TNPO1: variants seen among roughly 807,000 people sequenced by gnomAD.
The protein encoded by TNPO1 is transportin-1.
Under a neutral mutation model 119.5 loss-of-function variants are expected in TNPO1, and 8 were observed. That is an observed-to-expected ratio of 0.07 (90% CI 0.04 to 0.12). The LOEUF is 0.12. Among genes scored for constraint, TNPO1 ranks in the 10% least tolerant of loss-of-function variants. The probability of loss-of-function intolerance (pLI) is 1.00; values close to 1 mark genes in which losing one functional copy is unlikely to be tolerated. For synonymous variants in TNPO1, 362 were observed against 363.0 expected (o/e 1.00, Z 0.03); for missense variants, 576 against 1,089.8 (o/e 0.53, Z 6.64).
At chr5:72,816,950 C>T (rs1318996800) in intron 1 of TNPO1, 198 bp downstream of exon 1, 2 of 575,378 alleles carry the variant, frequency 3.5e-6, no homozygotes, top group Admixed American at 7.6e-5. Context: ...CCCTGCGGGA[C>T]CCGGGTAGGG....
At chr5:72,881,608 C>G (rs1748253165) in intron 9 of TNPO1, among the ~76,000 whole-genome samples, 2 of 152,190 alleles carry the variant, frequency 1.3e-5, no homozygotes, top group African/African-American at 4.8e-5. Context: ...TGTTCCAGAT[C>G]AGCTTTTATC....
intron 1 of TNPO1, among the ~76,000 whole-genome samples, chr5:72,825,251 A>G (rs536796172): frequency 1.6e-4 from 24 of 152,248 alleles, no homozygotes; most frequent in African/African-American, 5.8e-4. Context: ...ACCTTTCGCA[A>G]ATTAAGACAG....
intron 6 of TNPO1, among the ~76,000 whole-genome samples, chr5:72,871,184 C>G (rs2112361244): frequency 6.6e-6 from 1 of 152,220 alleles, no homozygotes; most frequent in East Asian, 1.9e-4. Flanking sequence ...ACCATGTTGG[C>G]CAGGCTGGTC....
In TNPO1 at chr5:72,888,266, C is replaced by G; in HGVS notation, c.1492C>G (p.Leu498Val). 6.2e-7 allele frequency: 1 copy of G among 1,614,140 alleles called. No individual in the cohort carries two copies. The highest frequency in any genetic ancestry group is 8.5e-7 in the Non-Finnish European group (1 of 1,180,032). The change falls in exon 13 of 25, where the codon CTG (leucine) becomes GTG (valine). Residue 498 changes from leucine to valine, a missense_variant. Transcript: ENST00000337273. ...AATGACAGAATTGCTAAAGCGCATC[C>G]TGGACAGCAACAAGAGAGTACAAGA... ...PLMTELLKRI[L>V]DSNKRVQEAA...
intron 1 of TNPO1, among the ~76,000 whole-genome samples, chr5:72,822,913 T>C (rs964733325): frequency 1.2e-4 from 18 of 145,742 alleles, no homozygotes; most frequent in Non-Finnish European, 2.4e-4. Flanking sequence ...CTACACTTTT[T>C]TTTTTTTTTT....
intron 1 of TNPO1, among the ~76,000 whole-genome samples, chr5:72,847,079 G>T (rs1430202936): frequency 6.6e-6 from 1 of 151,614 alleles, no homozygotes; most frequent in Non-Finnish European, 1.5e-5. Context: ...TATTAGATTG[G>T]GCCATTTACG....
rs1010879320 is a variant in TNPO1 at position 72,909,823 on chromosome 5, G to A, written c.*1150G>A. On this transcript the variant is annotated 3_prime_UTR_variant, in exon 25 of 25. Transcript: ENST00000337273. ...AGGAATAAGATTGATATTGTATTGT[G>A]TGTAACCTGCACAATGTGGAAAGCT... The A allele has an allele frequency of 6.6e-6, 1 of 152,584 alleles. No homozygotes were observed. Among genetic ancestry groups the A allele is most frequent in the Admixed American group, 6.5e-5 (1 of 15,274 alleles). The allele number at this position is 152,584 out of a possible 1,614,324, so 9.5% of individuals were successfully genotyped here.
At position 72,869,257 on chromosome 5, in the gene TNPO1, T is replaced by C. The variant is rs554091627; in HGVS notation, c.597-3382T>C. Among the ~76,000 whole-genome samples, 5 of 151,990 alleles carry C rather than the reference T, an allele frequency of 3.3e-5. No individual in the cohort carries two copies. In the South Asian group the frequency reaches 6.2e-4, roughly 19 times the overall value. On this transcript the variant is annotated intron_variant, in intron 6 of 24. Coordinates refer to ENST00000337273, the MANE Select transcript of TNPO1 (RefSeq NM_002270.4). The stretch of plus-strand genomic sequence containing the variant: ...TATAAAATTGGCAGAACTTTTAAAA[T>C]AATAAATGGCAGGGCGTAGTGGCTC...
intron 24 of TNPO1, among the ~76,000 whole-genome samples, chr5:72,908,466 A>G (rs988528439): frequency 2.6e-5 from 4 of 152,182 alleles, no homozygotes; most frequent in African/African-American, 7.2e-5. Context: ...ACACCTGTCT[A>G]TACAACTCTC....
At chr5:72,862,109 C>G (rs1210103222) in intron 5 of TNPO1, among the ~76,000 whole-genome samples, 195 bp downstream of exon 5, 1 of 152,178 alleles carries the variant, frequency 6.6e-6, no homozygotes, top group Non-Finnish European at 1.5e-5. Context: ...TTATAAACCT[C>G]TTTTACTGTA....
intron 7 of TNPO1, among the ~76,000 whole-genome samples, chr5:72,875,342 T>G (rs1174254611): frequency 6.6e-6 from 1 of 152,240 alleles, no homozygotes; most frequent in Non-Finnish European, 1.5e-5. Flanking sequence ...AATGCTCCTA[T>G]GTCCTAATGA....
chr5:72,892,484 A>AT (rs1441920006), intron 15 of TNPO1, among the ~76,000 whole-genome samples: 7 of 152,082 alleles, frequency 4.6e-5, no homozygotes, highest in Non-Finnish European at 1.0e-4. Flanking sequence ...TAAATTTTCT[A>AT]TGACCAAGAG....
rs1748812008 is a variant in TNPO1 at position 72,888,424 on chromosome 5, TATATC to T, written c.1529+123_1529+127del. ...GTTTCGTAATTGAAAATTTTCCAGT[TATATC>T]AGAAAGCTTAGTTTTCTTTTTTCTT... is the stretch of plus-strand genomic sequence containing the variant. On this transcript the variant is annotated intron_variant, in intron 13 of 24. Coordinates refer to ENST00000337273, the MANE Select transcript of TNPO1 (RefSeq NM_002270.4). 1.3e-5 allele frequency: 11 copies of T among 869,124 alleles called. No homozygotes were observed. The East Asian group carries it at 2.4e-4, about 19-fold the overall frequency. 53.8% of individuals were successfully genotyped at this position (869,124 alleles called of 1,614,324 possible). A position where few individuals can be genotyped will look rare whatever the true frequency, so the allele number is the denominator to read the frequency against.
At chr5:72,848,230 T>TC in intron 1 of TNPO1, 155 bp from the exon 2 acceptor site, 2 of 1,257,568 alleles carry the variant, frequency 1.6e-6, no homozygotes, top group Non-Finnish European at 2.0e-6. Flanking sequence ...GTCCGTGACT[T>TC]CCTTCGGGGC....
At chr5:72,906,546 T>C (rs1002720703) in intron 24 of TNPO1, among the ~76,000 whole-genome samples, 3 of 152,106 alleles carry the variant, frequency 2.0e-5, no homozygotes, top group African/African-American at 7.2e-5. Context: ...CACCTCGGCC[T>C]CCCAAAGTGC....
At position 72,911,365 on chromosome 5, in the gene TNPO1, A is replaced by T. The variant is rs1750553339; in HGVS notation, c.*2692A>T. 1 of 152,492 alleles carries T rather than the reference A, an allele frequency of 6.6e-6. No homozygotes were observed. Among genetic ancestry groups the T allele is most frequent in the Admixed American group, 6.6e-5 (1 of 15,254 alleles). The allele number at this position is 152,492 out of a possible 1,614,324, so 9.4% of individuals were successfully genotyped here. A position where few individuals can be genotyped will look rare whatever the true frequency, so the allele number is the denominator to read the frequency against. ...AAATTTAATTTGAAAATAGAAAATAAAATTAGGTAAATATGACTGGCAACC... is the reference window on the plus strand; with the variant it reads ...AAATTTAATTTGAAAATAGAAAATATAATTAGGTAAATATGACTGGCAACC... On this transcript the variant is annotated 3_prime_UTR_variant, in exon 25 of 25. Coordinates refer to ENST00000337273, the MANE Select transcript of TNPO1 (RefSeq NM_002270.4).
In TNPO1 at chr5:72,908,829, G is replaced by C. The variant is rs1277814558; in HGVS notation, c.*156G>C. 1 of 442,824 alleles carries C rather than the reference G, an allele frequency of 2.3e-6. No individual in the cohort carries two copies. The highest frequency in any genetic ancestry group is 7.2e-5 in the East Asian group (1 of 13,868). The allele number at this position is 442,824 out of a possible 1,614,324, so 27.4% of individuals were successfully genotyped here. A position where few individuals can be genotyped will look rare whatever the true frequency, so the allele number is the denominator to read the frequency against. ...CAATCCCAACCCTACTGGGAGGGGC[G>C]GGAGGGAGGTGTTGCCGTCACTGTA... On this transcript the variant is annotated 3_prime_UTR_variant, in exon 25 of 25. Transcript: ENST00000337273.
chr5:72,816,885 A>T, intron 1 of TNPO1, 133 bp downstream of exon 1: 2 of 1,161,080 alleles, frequency 1.7e-6, no homozygotes, highest in Non-Finnish European at 2.3e-6. Context: ...CGGCCGTTTG[A>T]AGCCGAGAGG....
chr5:72,848,192 G>T, intron 1 of TNPO1, 193 bp from the exon 2 acceptor site: 1 of 1,223,392 alleles, frequency 8.2e-7, no homozygotes, highest in Non-Finnish European at 1.0e-6. Context: ...CGGCCGGGCT[G>T]CCAGGAGCAG....
Sources: allele counts gnomAD v4.1 joint callset (sites outside exome capture counted in the v4.1 genomes callset), GRCh38; gene constraint gnomAD v4.1.1; transcripts MANE v1.5; gene names NCBI Gene and HGNC (gene_info 2026-07-23, HGNC 2026-07-21).